GJC3: variants seen among roughly 807,000 people sequenced by gnomAD.
The protein encoded by GJC3 is gap junction gamma-3 protein.
Under a neutral mutation model 19.8 loss-of-function variants are expected in GJC3, and 17 were observed. That is an observed-to-expected ratio of 0.86 (90% CI 0.59 to 1.29). The LOEUF (loss-of-function observed/expected upper bound fraction) is 1.29, where lower values mean the gene tolerates loss of function less well. Ranked by LOEUF, GJC3 falls within the 50% of genes most tolerant of loss-of-function variation. The pLI, the probability that GJC3 is intolerant of heterozygous loss-of-function variation, is 0.00. For synonymous variants in GJC3, 140 were observed against 136.5 expected (o/e 1.03, Z -0.18); for missense variants, 317 against 332.5 (o/e 0.95, Z 0.36).
upstream of GJC3, among the ~76,000 whole-genome samples, chr7:99,930,687 A>G (rs943488734): frequency 6.6e-6 from 1 of 152,224 alleles, no homozygotes; most frequent in African/African-American, 2.4e-5. Flanking sequence ...TGCATATGCT[A>G]GAACCTAATA....
chr7:99,927,691 C>A (rs1332579764), intron 1 of GJC3, among the ~76,000 whole-genome samples: 1 of 151,984 alleles, frequency 6.6e-6, no homozygotes, highest in African/African-American at 2.4e-5. Flanking sequence ...CTAAGAGACT[C>A]GAGAAGACTG....
At chr7:99,926,543 A>G (rs1819803376) in intron 1 of GJC3, among the ~76,000 whole-genome samples, 1 of 152,186 alleles carries the variant, frequency 6.6e-6, no homozygotes, top group Non-Finnish European at 1.5e-5. Context: ...ACATGAATGA[A>G]CCTCAAGTTA....
chr7:99,930,242 A>G (rs1372251577), upstream of GJC3, among the ~76,000 whole-genome samples: 1 of 152,214 alleles, frequency 6.6e-6, no homozygotes, highest in African/African-American at 2.4e-5. Flanking sequence ...TGAAATGAAC[A>G]GAGCAAGCAT....
Position 99,929,290 on chromosome 7 carries a change from C to T in GJC3, c.331G>A (p.Glu111Lys), listed in dbSNP as rs2115592377. The T allele has an allele frequency of 6.2e-7, 1 of 1,614,216 alleles. No homozygotes were observed. Among genetic ancestry groups the T allele is most frequent in the Non-Finnish European group, 8.5e-7 (1 of 1,180,038 alleles). The change falls in exon 1 of 2, where the codon GAG becomes AAG. Residue 111 changes from glutamate to lysine, a missense_variant. Coordinates refer to ENST00000312891, the MANE Select transcript of GJC3 (RefSeq NM_181538.3). Reference protein sequence around the residue: ...WHWELSGKGKEEETLIQGREG... With the variant: ...WHWELSGKGKKEETLIQGREG... ...CGTCCCTGGATCAGGGTCTCCTCCT[C>T]CTTCCCCTTTCCTGATAATTCCCAG...
chr7:99,928,956 C>T lies in GJC3; in HGVS notation c.665G>A (p.Trp222Ter), dbSNP rs901784604. Residue 222 changes from tryptophan (W) to a stop codon, truncating the protein, a stop_gained, in exon 1 of 2, where the codon TGG (tryptophan) becomes TAG (stop). Transcript: ENST00000312891. LOFTEE classifies it high-confidence loss of function. The stretch of plus-strand genomic sequence containing the variant: ...TTTAGAAGAGGAAGATTTGTGCTTC[C>T]AGGTCCTCCACCATCTCCCCAAACC... ...LLGLGRWWRT[W>*]KHKSSSSKYF... The T allele has an allele frequency of 1.9e-6, 3 of 1,614,140 alleles. No individual in the cohort carries two copies. Among genetic ancestry groups the T allele is most frequent in the Admixed American group, 3.3e-5 (2 of 60,022 alleles).
chr7:99,924,449 A>G (rs779294720), intron 1 of GJC3, among the ~76,000 whole-genome samples: 15 of 152,272 alleles, frequency 9.9e-5, no homozygotes, highest in Non-Finnish European at 1.6e-4. Context: ...TTAGCCAGGC[A>G]TGGTGGTGCA....
intron 1 of GJC3, among the ~76,000 whole-genome samples, chr7:99,928,261 A>G (rs1423550331): frequency 1.3e-5 from 2 of 152,234 alleles, no homozygotes; most frequent in Non-Finnish European, 2.9e-5. Flanking sequence ...GGAGAGACAC[A>G]GTTTAGGGAG....
In GJC3 at chr7:99,929,243, T is replaced by G; in HGVS notation, c.378A>C (p.Pro126=). Residue 126 remains proline, a synonymous_variant, in exon 1 of 2, where the codon CCA becomes CCC. Transcript: ENST00000312891. ...IQGREGNTDV[P]GAGSLRLLWA... Reference sequence around the variant, plus strand: ...AGAGCAGCCTGAGGCTTCCAGCCCCTGGGACATCTGTGTTGCCCTCCCGTC... The same window carrying G: ...AGAGCAGCCTGAGGCTTCCAGCCCCGGGGACATCTGTGTTGCCCTCCCGTC... The G allele has an allele frequency of 6.2e-7, 1 of 1,614,146 alleles. No homozygotes were observed. The highest frequency in any genetic ancestry group is 8.5e-7 in the Non-Finnish European group (1 of 1,180,010).
chr7:99,923,556 TG>T lies in GJC3; in HGVS notation c.828del (p.Arg277GlufsTer89), dbSNP rs754341742. ...AGTTCATCTCCAACTCAGGCATCTC[TG>T]GGTCCAACTGGTCTTTGTTTTTCCT... Reference protein sequence around the residue: ...LAQEKQRPVGPRDA With the variant: ...LAQEKQRPVGXRDA On this transcript the variant is annotated frameshift_variant, in exon 2 of 2. Transcript: ENST00000312891. LOFTEE classifies it high-confidence loss of function. The T allele has an allele frequency of 3.8e-6, 3 of 781,022 alleles. No individual in the cohort carries two copies. The highest frequency in any genetic ancestry group is 7.2e-6 in the Non-Finnish European group (3 of 418,120). 48.4% of individuals were successfully genotyped at this position (781,022 alleles called of 1,614,324 possible). A position where few individuals can be genotyped will look rare whatever the true frequency, so the allele number is the denominator to read the frequency against.
At position 99,923,385 on chromosome 7, in the gene GJC3, C is replaced by T. The variant is rs1819719624; in HGVS notation, c.*160G>A. ...ACATGGCTTTTATTAGTCTGGTTAG[C>T]TGAGTCATTGTATGTAGAGGTGGAG... is the stretch of plus-strand genomic sequence containing the variant. On this transcript the variant is annotated 3_prime_UTR_variant, in exon 2 of 2. Transcript: ENST00000312891. 4 of 714,324 alleles carry T rather than the reference C, an allele frequency of 5.6e-6. No homozygotes were observed. The highest frequency in any genetic ancestry group is 7.6e-4 in the Middle Eastern group (2 of 2,642). The allele number at this position is 714,324 out of a possible 1,614,324, so 44.2% of individuals were successfully genotyped here.
intron 1 of GJC3, among the ~76,000 whole-genome samples, chr7:99,927,461 G>T (rs1451543857): frequency 6.6e-6 from 1 of 152,094 alleles, no homozygotes; most frequent in Non-Finnish European, 1.5e-5. Context: ...TTCTTATGAA[G>T]CACTTGTGTA....
chr7:99,929,053 T>C lies in GJC3; in HGVS notation c.568A>G (p.Ile190Val), dbSNP rs1294583138. The C allele has an allele frequency of 1.9e-6, 3 of 1,613,970 alleles. No homozygotes were observed. Among genetic ancestry groups the C allele is most frequent in the South Asian group, 1.1e-5 (1 of 91,070 alleles). ...ACTCCAAACATGGTCTTTAGGAAAA[T>C]GGTCTTCTCAGAGGGGCGGGACAGA... ...CNLSRPSEKT[I>V]FLKTMFGVSG... is the part of the protein sequence containing the mutation. Residue 190 changes from isoleucine (I) to valine (V), a missense_variant, in exon 1 of 2, where the codon ATT (isoleucine) becomes GTT (valine). Transcript: ENST00000312891.
intron 1 of GJC3, among the ~76,000 whole-genome samples, chr7:99,925,876 TA>T (rs1344295925): frequency 3.9e-5 from 6 of 152,152 alleles, no homozygotes; most frequent in African/African-American, 1.4e-4. Flanking sequence ...AATAGATAAA[TA>T]AAAAGTATTC....
chr7:99,927,026 T>A (rs1819814913), intron 1 of GJC3, among the ~76,000 whole-genome samples: 1 of 152,210 alleles, frequency 6.6e-6, no homozygotes, highest in Non-Finnish European at 1.5e-5. Context: ...AAGTTTCCCT[T>A]TGGCCAGTTC....
Position 99,928,831 on chromosome 7 carries a change from C to A in GJC3, c.781+9G>T, listed in dbSNP as rs769016715. 13 of 1,612,860 alleles carry A rather than the reference C, an allele frequency of 8.1e-6. No homozygotes were observed. Among genetic ancestry groups the A allele is most frequent in the Admixed American group, 3.3e-5 (2 of 59,942 alleles). ...CATCAGTGACAGGAAGAGAGCGTGT[C>A]CTTCTCACCTGCTTCTTGAAATTGC... On this transcript the variant is annotated intron_variant, in intron 1 of 1. Transcript: ENST00000312891.
rs11973853 is a variant in GJC3 at position 99,924,138 on chromosome 7, C to T, written c.782-535G>A. Among the ~76,000 whole-genome samples, 1,035 of 152,294 alleles carry T rather than the reference C, an allele frequency of 6.8e-3. 13 individuals carry two copies. Among genetic ancestry groups the T allele is most frequent in the African/African-American group, 0.02 (850 of 41,552 alleles). ...ACAAAAACCGTCATCACATCATATC[C>T]GGGGCACATGCTGTCAACATTGCTC... is the stretch of plus-strand genomic sequence containing the variant. On this transcript the variant is annotated intron_variant, in intron 1 of 1. Transcript: ENST00000312891.
In GJC3 at chr7:99,923,620, T is replaced by C. The variant is rs1344554104; in HGVS notation, c.782-17A>G. Reference sequence around the variant, plus strand: ...TTCCTGGAACTTTTTAAAACAAAAATTCAAGATGTAACAGTTACAAGTGTG... The same window carrying C: ...TTCCTGGAACTTTTTAAAACAAAAACTCAAGATGTAACAGTTACAAGTGTG... On this transcript the variant is annotated splice_polypyrimidine_tract_variant and intron_variant, in intron 1 of 1. Coordinates refer to ENST00000312891, the MANE Select transcript of GJC3 (RefSeq NM_181538.3). 2.6e-6 allele frequency: 2 copies of C among 780,756 alleles called. No homozygotes were observed. Among genetic ancestry groups the C allele is most frequent in the Admixed American group, 1.7e-5 (1 of 59,016 alleles). 48.4% of individuals were successfully genotyped at this position (780,756 alleles called of 1,614,324 possible).
chr7:99,923,984 T>G (rs1819738123), intron 1 of GJC3, among the ~76,000 whole-genome samples: 1 of 152,208 alleles, frequency 6.6e-6, no homozygotes, highest in Non-Finnish European at 1.5e-5. Context: ...AGATGCAGAA[T>G]GTAAGTTGCC....
Position 99,929,609 on chromosome 7 carries a change from C to T in GJC3, c.12G>A (p.Arg4=). The T allele has an allele frequency of 6.2e-7, 1 of 1,607,212 alleles. No homozygotes were observed. Among genetic ancestry groups the T allele is most frequent in the Non-Finnish European group, 8.5e-7 (1 of 1,178,990 alleles). ...CCTCCGCCAGCAGCCGCCGCAGGAA[C>T]CTGCCACACATCCTGTTTTGGAGCA... The part of the protein sequence containing the change: MCG[R]FLRRLLAEES... The change falls in exon 1 of 2, where the codon AGG becomes AGA. Residue 4 remains arginine, a synonymous_variant. Coordinates refer to ENST00000312891, the MANE Select transcript of GJC3 (RefSeq NM_181538.3).
Sources: allele counts gnomAD v4.1 joint callset (sites outside exome capture counted in the v4.1 genomes callset), GRCh38; gene constraint gnomAD v4.1.1; transcripts MANE v1.5; gene names NCBI Gene and HGNC (gene_info 2026-07-23, HGNC 2026-07-21).